ZNF843: variants seen among roughly 807,000 people sequenced by gnomAD.
ZNF843 encodes the protein zinc finger protein 843.
For missense variants in ZNF843, 482 were observed against 469.4 expected (o/e 1.03, Z -0.25); for synonymous variants, 185 against 207.7 (o/e 0.89, Z 0.94).
intron 1 of ZNF843, among the ~76,000 whole-genome samples, chr16:31,439,727 G>A (rs999419731): frequency 6.6e-6 from 1 of 152,180 alleles, no homozygotes; most frequent in African/African-American, 2.4e-5. Flanking sequence ...GGTTCTCTGG[G>A]GCTGGGTCAG....
chr16:31,437,297 C>CTTTTTTTTTTTT (rs59710664), intron 1 of ZNF843, 113 bp from the exon 2 acceptor site: 3 of 82,026 alleles, frequency 3.7e-5, no homozygotes, highest in African/African-American at 1.5e-4. Context: ...TTCTTTCCTT[C>CTTTTTTTTTTTT]TTTTTTTTTT....
Position 31,436,720 on chromosome 16 carries a change from G to T in ZNF843, c.130C>A (p.Gln44Lys), listed in dbSNP as rs775228036. Residue 44 changes from glutamine (Q) to lysine (K), a missense_variant, in exon 2 of 2, where the codon CAG (glutamine) becomes AAG (lysine). Physicochemically the swap from Gln to Lys is moderately conservative, Grantham distance 53. Transcript: ENST00000315678. The stretch of plus-strand genomic sequence containing the variant: ...CAGTGCTGGAGGAGGGATGCGCTCT[G>T]AGTAAAACCCCTCCCGCAGGCCTTG... ...KCKACGRGFT[Q>K]SASLLQHWRV... 4 of 1,551,686 alleles carry T rather than the reference G, an allele frequency of 2.6e-6. No homozygotes were observed. The highest frequency in any genetic ancestry group is 1.2e-5 in the South Asian group (1 of 84,062).
intron 1 of ZNF843, among the ~76,000 whole-genome samples, chr16:31,441,187 TAA>T (rs2082200094): frequency 6.6e-6 from 1 of 152,128 alleles, no homozygotes; most frequent in Non-Finnish European, 1.5e-5. Flanking sequence ...CTCACAGGGA[TAA>T]AGGGTTGAGA....
Position 31,437,619 on chromosome 16 carries a change from G to GTTT in ZNF843, c.-335-438_-335-436dup, listed in dbSNP as rs749584155. Among the ~76,000 whole-genome samples, 143 of 109,918 alleles carry GTTT rather than the reference G, an allele frequency of 1.3e-3. 5 individuals carry two copies. Among genetic ancestry groups the GTTT allele is most frequent in the African/African-American group, 5.0e-3 (138 of 27,786 alleles). The allele number at this position is 109,918 out of a possible 152,430, so 72.1% of individuals were successfully genotyped here. A position where few individuals can be genotyped will look rare whatever the true frequency, so the allele number is the denominator to read the frequency against. On this transcript the variant is annotated intron_variant, in intron 1 of 1. Transcript: ENST00000315678. ...CCATGCCCGGCCTCCTATAATCAAT[G>GTTT]TTTTTTTTTTTTTTTTTTTGAGAGG...
Position 31,436,205 on chromosome 16 carries a change from C to T in ZNF843, c.645G>A (p.Leu215=). 1 of 1,536,746 alleles carries T rather than the reference C, an allele frequency of 6.5e-7. No individual in the cohort carries two copies. The highest frequency in any genetic ancestry group is 8.8e-7 in the Non-Finnish European group (1 of 1,139,228). ...CAGGATAAAGGAAGGGAGGTCGGGGCAGGAGTGTGGATGGGGGCAGATGTT... is the reference window on the plus strand; with the variant it reads ...CAGGATAAAGGAAGGGAGGTCGGGGTAGGAGTGTGGATGGGGGCAGATGTT... The part of the protein sequence containing the change: ...FLQHLPPSTL[L]PRPPFLYPGP... Residue 215 remains leucine (L), a synonymous_variant, in exon 2 of 2, where the codon CTG becomes CTA. Transcript: ENST00000315678.
chr16:31,436,975 A>C lies in ZNF843; in HGVS notation c.-126T>G. On this transcript the variant is annotated 5_prime_UTR_variant, in exon 2 of 2. Coordinates refer to ENST00000315678, the MANE Select transcript of ZNF843 (RefSeq NM_001136509.3). ...GGCCACGAGCTCACAGTCTGGGAGC[A>C]GCACCCGGCCCCAGGCCTCGGGGGC... The C allele has an allele frequency of 2.2e-6, 2 of 905,772 alleles. No individual in the cohort carries two copies. Among genetic ancestry groups the C allele is most frequent in the Non-Finnish European group, 3.3e-6 (2 of 604,288 alleles). 56.1% of individuals were successfully genotyped at this position (905,772 alleles called of 1,614,324 possible). A position where few individuals can be genotyped will look rare whatever the true frequency, so the allele number is the denominator to read the frequency against.
At chr16:31,442,226 C>T (rs1429745813) in intron 1 of ZNF843, among the ~76,000 whole-genome samples, 1 of 152,236 alleles carries the variant, frequency 6.6e-6, no homozygotes, top group Non-Finnish European at 1.5e-5. Flanking sequence ...CCTCGCCTGG[C>T]GCGGGGTCGA....
rs758779126 is a variant in ZNF843 at position 31,436,120 on chromosome 16, G to A, written c.730C>T (p.Pro244Ser). 40 of 1,549,742 alleles carry A rather than the reference G, an allele frequency of 2.6e-5. No individual in the cohort carries two copies. Among genetic ancestry groups the A allele is most frequent in the Non-Finnish European group, 3.5e-5 (40 of 1,146,270 alleles). The change falls in exon 2 of 2, where the codon CCT (proline) becomes TCT (serine). Residue 244 changes from proline (P) to serine (S), a missense_variant. Transcript: ENST00000315678. ...TGGGCAACTTCCAGGCCTCCCAGAG[G>A]CACTGCAGGCACTGCGGGAAGGCCG... Reference protein sequence around the residue: ...PSGLPAVPAVPLGGLEVAQVP... With the variant: ...PSGLPAVPAVSLGGLEVAQVP...
chr16:31,436,172 T>TG lies in ZNF843; in HGVS notation c.677dup (p.Leu227ThrfsTer64), dbSNP rs752312746. 50 of 1,538,988 alleles carry TG rather than the reference T, an allele frequency of 3.2e-5. No individual in the cohort carries two copies. Among genetic ancestry groups the TG allele is most frequent in the Non-Finnish European group, 3.9e-5 (44 of 1,140,304 alleles). On this transcript the variant is annotated frameshift_variant, in exon 2 of 2. Transcript: ENST00000315678. LOFTEE classifies it low-confidence loss of function (END_TRUNC). ...ATGGAACCAGAGGCTGGAGACTGAGTGGGGGGCCAGGATAAAGGAAGGGAG... is the reference window on the plus strand; with the variant it reads ...ATGGAACCAGAGGCTGGAGACTGAGTGGGGGGGCCAGGATAAAGGAAGGGAG...
chr16:31,439,017 GGGA>G (rs1311273675), intron 1 of ZNF843, among the ~76,000 whole-genome samples: 2 of 127,220 alleles, frequency 1.6e-5, no homozygotes, highest in African/African-American at 5.8e-5. Context: ...GGGGGGAGGG[GGGA>G]GGGATAGCAT....
chr16:31,435,930 G>C lies in ZNF843; in HGVS notation c.920C>G (p.Ala307Gly), dbSNP rs1218581692. 6.5e-7 allele frequency: 1 copy of C among 1,543,508 alleles called. No homozygotes were observed. Among genetic ancestry groups the C allele is most frequent in the Middle Eastern group, 1.7e-4 (1 of 5,854 alleles). ...GCACTGTCGCTGAAGCCTGGCCCTG[G>C]CCTCGCCGAGCGGTCCGGCCGCTCT... ...QHRAAGPLGE[A>G]RARLQRQCRA... The change falls in exon 2 of 2, where the codon GCC (alanine) becomes GGC (glycine). Residue 307 changes from alanine (A) to glycine (G), a missense_variant. Coordinates refer to ENST00000315678, the MANE Select transcript of ZNF843 (RefSeq NM_001136509.3).
In ZNF843 at chr16:31,435,966, G is replaced by A; in HGVS notation, c.884C>T (p.Ala295Val). ...APGYPEPARK[A>V]SQHRAAGPLG... ...CGGTCCGGCCGCTCTGTGCTGCGAG[G>A]CCTTCCGGGCTGGCTCAGGGTAGCC... Residue 295 changes from alanine (A) to valine (V), a missense_variant, in exon 2 of 2, where the codon GCC becomes GTC. By Grantham distance (64) the Ala-to-Val change is moderately conservative. Coordinates refer to ENST00000315678, the MANE Select transcript of ZNF843 (RefSeq NM_001136509.3). 1 of 1,528,010 alleles carries A rather than the reference G, an allele frequency of 6.5e-7. No homozygotes were observed. The highest frequency in any genetic ancestry group is 8.8e-7 in the Non-Finnish European group (1 of 1,134,834). The allele number at this position is 1,528,010 out of a possible 1,614,324, so 94.7% of individuals were successfully genotyped here. A position where few individuals can be genotyped will look rare whatever the true frequency, so the allele number is the denominator to read the frequency against.
At position 31,435,903 on chromosome 16, in the gene ZNF843, C is replaced by T. The variant is rs539986460; in HGVS notation, c.947G>A (p.Arg316Gln). The T allele has an allele frequency of 2.6e-5, 40 of 1,544,388 alleles. No individual in the cohort carries two copies. In the South Asian group the frequency reaches 3.9e-4, roughly 15 times the overall value. The change falls in exon 2 of 2, where the codon CGA (arginine) becomes CAA (glutamine). Residue 316 changes from arginine to glutamine, a missense_variant. Coordinates refer to ENST00000315678, the MANE Select transcript of ZNF843 (RefSeq NM_001136509.3). The stretch of plus-strand genomic sequence containing the variant: ...TGGGTTCGAGGGCGGTGGAGGAGCT[C>T]GGCACTGTCGCTGAAGCCTGGCCCT... ...EARARLQRQC[R>Q]APPPPSNPHW...
chr16:31,439,043 C>T (rs1422746006), intron 1 of ZNF843, among the ~76,000 whole-genome samples: 1 of 151,664 alleles, frequency 6.6e-6, no homozygotes, highest in Non-Finnish European at 1.5e-5. Context: ...GCAGATATAC[C>T]TAATGTAAAT....
chr16:31,439,840 G>A (rs984394363), intron 1 of ZNF843, among the ~76,000 whole-genome samples: 3 of 152,158 alleles, frequency 2.0e-5, no homozygotes, highest in African/African-American at 7.2e-5. Context: ...CCAAAAACCA[G>A]CAACCTGTAC....
At chr16:31,441,008 A>C (rs1212004266) in intron 1 of ZNF843, among the ~76,000 whole-genome samples, 1 of 152,120 alleles carries the variant, frequency 6.6e-6, no homozygotes, top group East Asian at 1.9e-4. Flanking sequence ...AGGCTTTCCT[A>C]ATCTCTTCCC....
At position 31,437,116 on chromosome 16, in the gene ZNF843, G is replaced by A; in HGVS notation, c.-267C>T. ...TCACTAAGTCCATCCTCTTGGATAC[G>A]CTGGTCCTCACTGCCGTGTCCAGTT... On this transcript the variant is annotated 5_prime_UTR_variant, in exon 2 of 2. Transcript: ENST00000315678. The A allele has an allele frequency of 2.3e-6, 1 of 435,560 alleles. No individual in the cohort carries two copies. The highest frequency in any genetic ancestry group is 4.3e-6 in the Non-Finnish European group (1 of 235,154). The allele number at this position is 435,560 out of a possible 1,614,324, so 27.0% of individuals were successfully genotyped here.
chr16:31,438,618 T>A (rs2082191418), intron 1 of ZNF843, among the ~76,000 whole-genome samples: 1 of 152,096 alleles, frequency 6.6e-6, no homozygotes, highest in Non-Finnish European at 1.5e-5. Context: ...TACTTGGCTC[T>A]TATCTCAGGA....
rs2082183402 is a variant in ZNF843 at position 31,436,706 on chromosome 16, G to A, written c.144C>T (p.Leu48=). 1 of 1,551,550 alleles carries A rather than the reference G, an allele frequency of 6.4e-7. No homozygotes were observed. Among genetic ancestry groups the A allele is most frequent in the African/African-American group, 1.4e-5 (1 of 73,066 alleles). The change falls in exon 2 of 2, where the codon CTC becomes CTT. Residue 48 remains leucine, a synonymous_variant. Coordinates refer to ENST00000315678, the MANE Select transcript of ZNF843 (RefSeq NM_001136509.3). Reference sequence around the variant, plus strand: ...CGCTGTGGACCCGCCAGTGCTGGAGGAGGGATGCGCTCTGAGTAAAACCCC... The same window carrying A: ...CGCTGTGGACCCGCCAGTGCTGGAGAAGGGATGCGCTCTGAGTAAAACCCC... ...CGRGFTQSAS[L]LQHWRVHSDW...
Sources: allele counts gnomAD v4.1 joint callset (sites outside exome capture counted in the v4.1 genomes callset), GRCh38; gene constraint gnomAD v4.1.1; transcripts MANE v1.5; gene names NCBI Gene and HGNC (gene_info 2026-07-23, HGNC 2026-07-21).